The following ZNF385D variants were observed in gnomAD, a reference collection of about 807,000 sequenced individuals.
The protein encoded by ZNF385D is zinc finger protein 659.
Under a neutral mutation model 35.8 loss-of-function variants are expected in ZNF385D, and 15 were observed. The ratio of observed to expected loss-of-function variants is 0.42; its 90% confidence interval spans 0.28 to 0.64. ZNF385D has a LOEUF of 0.64. Ranked by LOEUF, ZNF385D falls within the 30% of genes least tolerant of loss-of-function variation. The probability of loss-of-function intolerance (pLI) is 0.23; values close to 1 mark genes in which losing one functional copy is unlikely to be tolerated. For synonymous variants in ZNF385D, 212 were observed against 186.8 expected, an observed-to-expected ratio of 1.13 and a Z score of -1.10; for missense variants, 474 against 494.6, an observed-to-expected ratio of 0.96 and a Z score of 0.39.
chr3:22,173,171 T>G (rs1164700139), intron 2 of ZNF385D, among the ~76,000 whole-genome samples: 1 of 152,078 alleles, frequency 6.6e-6, no homozygotes, highest in East Asian at 1.9e-4. Context: ...TCATCAAAAC[T>G]AGGGGAAGTC....
rs549204204 is a variant in ZNF385D, at chr3:21,872,930, C to T, written c.326-207902G>A. Among the ~76,000 whole-genome samples, 5 of 152,184 alleles carry T rather than the reference C, an allele frequency of 3.3e-5. No homozygotes were observed. The South Asian group carries it at 1.0e-3, about 32-fold the overall frequency. On this transcript the variant is annotated intron_variant, in intron 3 of 5. Coordinates refer to the ZNF385D transcript ENST00000494108. ...TTAACTAGTATTTATAGTTCAATGGCTTTGGTGTGCATCCAAGACAGGATG... is the reference window on the plus strand; with the variant it reads ...TTAACTAGTATTTATAGTTCAATGGTTTTGGTGTGCATCCAAGACAGGATG...
chr3:21,479,736 G>A (rs1291040085), intron 4 of ZNF385D, among the ~76,000 whole-genome samples: 1 of 152,034 alleles, frequency 6.6e-6, no homozygotes, highest in Non-Finnish European at 1.5e-5. Context: ...ACATTTACCT[G>A]CCTCTATAAT....
rs78920726 is a variant in ZNF385D, at chr3:22,248,694, G to A, written c.107-79659C>T. The stretch of plus-strand genomic sequence containing the variant: ...CAGGGGAAATTAATTCCTATCTTTC[G>A]TGATTTTAAAATAGGGCTGCAAATT... On this transcript the variant is annotated intron_variant, in intron 2 of 5. Transcript: ENST00000494108. Among the ~76,000 whole-genome samples the A allele has an allele frequency of 9.4e-3, 1,435 of 152,042 alleles. 15 individuals carry two copies. The highest frequency in any genetic ancestry group is 0.016 in the Non-Finnish European group (1,074 of 67,996).
At chr3:21,464,563 T>C (rs1703386246) in intron 4 of ZNF385D, among the ~76,000 whole-genome samples, 1 of 152,106 alleles carries the variant, frequency 6.6e-6, no homozygotes, top group Non-Finnish European at 1.5e-5. Context: ...GATACAACAG[T>C]CAACTCTTCC....
intron 3 of ZNF385D, among the ~76,000 whole-genome samples, chr3:22,069,987 G>C (rs1292438293): frequency 6.6e-6 from 1 of 152,152 alleles, no homozygotes; most frequent in East Asian, 1.9e-4. Context: ...AGATAAAGCT[G>C]TTTGTTACTT....
chr3:22,198,778 A>G (rs995880232), intron 2 of ZNF385D, among the ~76,000 whole-genome samples: 11 of 152,074 alleles, frequency 7.2e-5, no homozygotes, highest in Admixed American at 3.9e-4. Context: ...CCTTTCCCCA[A>G]TCTTCATATA....
intron 3 of ZNF385D, among the ~76,000 whole-genome samples, chr3:22,013,152 A>G (rs1259735095): frequency 6.6e-6 from 1 of 152,172 alleles, no homozygotes; most frequent in East Asian, 1.9e-4. Context: ...AGTGCTTAAG[A>G]TCTATAAAAA....
At chr3:22,270,339 A>G (rs995122315) in intron 2 of ZNF385D, among the ~76,000 whole-genome samples, 3 of 151,956 alleles carry the variant, frequency 2.0e-5, no homozygotes, top group African/African-American at 4.8e-5. Context: ...GCTATCCAAC[A>G]GGGTTTTCAT....
At chr3:21,471,351 T>TAAA (rs1703891531) in intron 4 of ZNF385D, among the ~76,000 whole-genome samples, 1 of 148,642 alleles carries the variant, frequency 6.7e-6, no homozygotes, top group African/African-American at 2.5e-5. Context: ...GTGATGGCTG[T>TAAA]TTTTTACTAC....
At chr3:21,645,702 G>C (rs955078261) in intron 2 of ZNF385D, among the ~76,000 whole-genome samples, 1 of 152,136 alleles carries the variant, frequency 6.6e-6, no homozygotes, top group African/African-American at 2.4e-5. Context: ...TGTCAGCCAA[G>C]TTTCCTGCCA....
chr3:22,303,217 T>A (rs1172131450), intron 2 of ZNF385D, among the ~76,000 whole-genome samples: 2 of 152,164 alleles, frequency 1.3e-5, no homozygotes, highest in South Asian at 2.1e-4. Context: ...ACATGTATTG[T>A]GTGTTTTAGT....
At chr3:21,647,291 A>C (rs889023425) in intron 2 of ZNF385D, among the ~76,000 whole-genome samples, 34 of 152,212 alleles carry the variant, frequency 2.2e-4, no homozygotes, top group African/African-American at 7.0e-4. Flanking sequence ...AAAATATTCA[A>C]ATATGGCAGC....
At chr3:21,877,575 G>C (rs578139668) in intron 3 of ZNF385D, among the ~76,000 whole-genome samples, 1 of 152,070 alleles carries the variant, frequency 6.6e-6, no homozygotes, top group African/African-American at 2.4e-5. Context: ...CCTCGGAAAT[G>C]GTTCAAGGAA....
At chr3:21,511,509 C>A (rs777530336) in intron 3 of ZNF385D, 6 of 361,778 alleles carry the variant, frequency 1.7e-5, no homozygotes, top group Non-Finnish European at 3.3e-5. Flanking sequence ...GGGAAGTAAG[C>A]ACCCTGGAGA....
intron 2 of ZNF385D, among the ~76,000 whole-genome samples, chr3:22,289,511 G>T (rs907952827): frequency 4.6e-5 from 7 of 152,136 alleles, no homozygotes; most frequent in African/African-American, 1.7e-4. Flanking sequence ...AGGCTAGATA[G>T]GAGCTCAATC....
chr3:22,114,521 T>C (rs1041572508), intron 3 of ZNF385D, among the ~76,000 whole-genome samples: 1 of 151,920 alleles, frequency 6.6e-6, no homozygotes, highest in African/African-American at 2.4e-5. Context: ...TCAGGAAGCA[T>C]TAGGTATTAG....
intron 6 of ZNF385D, among the ~76,000 whole-genome samples, chr3:21,424,644 G>A (rs1204799639): frequency 7.1e-6 from 1 of 140,832 alleles, no homozygotes; most frequent in Non-Finnish European, 1.5e-5. Flanking sequence ...AAATAGTAGC[G>A]TCTTTTTTTT....
chr3:22,354,043 TG>T (rs957336245), intron 2 of ZNF385D, among the ~76,000 whole-genome samples: 3 of 152,118 alleles, frequency 2.0e-5, no homozygotes, highest in Non-Finnish European at 4.4e-5. Flanking sequence ...TTCTTTTTTT[TG>T]GTTGGCCAGA....
chr3:21,560,686 G>A (rs1476391350), intron 3 of ZNF385D, among the ~76,000 whole-genome samples: 1 of 152,196 alleles, frequency 6.6e-6, no homozygotes, highest in Non-Finnish European at 1.5e-5. Flanking sequence ...TGGGAGATCC[G>A]CTGCTCTCTT....
Sources: gnomAD v4.1 joint callset for allele counts (sites outside exome capture counted in the v4.1 genomes callset) on GRCh38, gnomAD v4.1.1 for gene constraint, MANE v1.5 for transcripts, NCBI Gene and HGNC (gene_info 2026-07-23, HGNC 2026-07-21) for gene names.